The following TCF12 variants were observed in gnomAD, a reference collection of about 807,000 sequenced individuals.
TCF12 encodes DNA-binding protein HTF4.
TCF12 carries 45 observed loss-of-function variants against 86.0 expected under a neutral mutation model. That is an observed-to-expected ratio of 0.52 (90% CI 0.41 to 0.67). The LOEUF (loss-of-function observed/expected upper bound fraction) is 0.67. Among genes scored for constraint, TCF12 ranks in the 30% least tolerant of loss-of-function variants. The pLI is 0.00. For missense variants in TCF12, 881 were observed against 859.9 expected (o/e 1.02, Z -0.31); for synonymous variants, 330 against 299.6 (o/e 1.10, Z -1.05).
At chr15:57,183,106 G>T (rs2056455598) in intron 6 of TCF12, among the ~76,000 whole-genome samples, 1 of 152,108 alleles carries the variant, frequency 6.6e-6, no homozygotes, top group Non-Finnish European at 1.5e-5. Context: ...GTGTATTAGG[G>T]AGTCCTCAAT....
At chr15:57,078,627 A>G (rs1384453957) in intron 4 of TCF12, among the ~76,000 whole-genome samples, 2 of 152,086 alleles carry the variant, frequency 1.3e-5, no homozygotes, top group Non-Finnish European at 2.9e-5. Context: ...GCATATTTTA[A>G]TTTCTTTAAT....
chr15:57,070,583 G>T (rs2150995988), intron 4 of TCF12, among the ~76,000 whole-genome samples: 1 of 152,250 alleles, frequency 6.6e-6, no homozygotes, highest in Non-Finnish European at 1.5e-5. Context: ...CATTTTTCTT[G>T]CAAATCCTGG....
At chr15:57,212,836 G>C (rs1487293249) in intron 8 of TCF12, among the ~76,000 whole-genome samples, 2 of 152,180 alleles carry the variant, frequency 1.3e-5, no homozygotes, top group Admixed American at 6.5e-5. Context: ...CTGAGAGGCA[G>C]AGCTGAAACC....
chr15:57,033,593 C>T (rs1458063552), intron 3 of TCF12, among the ~76,000 whole-genome samples: 1 of 151,992 alleles, frequency 6.6e-6, no homozygotes, highest in African/African-American at 2.4e-5. Context: ...CTTATTATGG[C>T]TCTTATTTTC....
intron 6 of TCF12, among the ~76,000 whole-genome samples, chr15:57,179,616 A>G (rs1426490136): frequency 2.6e-5 from 4 of 151,794 alleles, no homozygotes; most frequent in Non-Finnish European, 4.4e-5. Flanking sequence ...TCAAACTTGC[A>G]TGACACTTTA....
At position 57,123,982 on chromosome 15, in the gene TCF12, A is replaced by T. The variant is rs1449348324; in HGVS notation, c.325+32091A>T. Among the ~76,000 whole-genome samples the T allele has an allele frequency of 3.7e-3, 412 of 111,258 alleles. 8 individuals carry two copies. The highest frequency in any genetic ancestry group is 0.012 in the African/African-American group (393 of 33,152). 73.0% of individuals were successfully genotyped at this position (111,258 alleles called of 152,430 possible). Reference sequence around the variant, plus strand: ...AGACTCCGTCTCAAAAAAAAAAAAAATTTTTTTTTTTTTTCCATAGGGACA... The same window carrying T: ...AGACTCCGTCTCAAAAAAAAAAAAATTTTTTTTTTTTTTTCCATAGGGACA... On this transcript the variant is annotated intron_variant, in intron 5 of 20. Transcript: ENST00000333725.
chr15:56,981,024 T>C (rs1246671675), intron 3 of TCF12, among the ~76,000 whole-genome samples: 2 of 152,216 alleles, frequency 1.3e-5, no homozygotes, highest in African/African-American at 4.8e-5. Flanking sequence ...GGAAGCCTCA[T>C]ATTTCTGCAT....
chr15:57,147,938 T>TGG (rs1328812037), intron 5 of TCF12, among the ~76,000 whole-genome samples: 1 of 149,952 alleles, frequency 6.7e-6, no homozygotes, highest in Non-Finnish European at 1.5e-5. Context: ...TGGAGTGCAG[T>TGG]GGTGTGGTCA....
intron 8 of TCF12, among the ~76,000 whole-genome samples, chr15:57,207,269 A>G (rs2057872346): frequency 6.6e-6 from 1 of 152,198 alleles, no homozygotes; most frequent in African/African-American, 2.4e-5. Flanking sequence ...AATATCTTCC[A>G]TCCCTAGAAA....
At chr15:57,090,971 G>A (rs1161773168) in intron 4 of TCF12, among the ~76,000 whole-genome samples, 3 of 152,076 alleles carry the variant, frequency 2.0e-5, no homozygotes, top group African/African-American at 7.2e-5. Flanking sequence ...GTTTTTGTTT[G>A]TAAACTTTAT....
chr15:56,990,842 G>A (rs1394909337), intron 3 of TCF12, among the ~76,000 whole-genome samples: 2 of 151,412 alleles, frequency 1.3e-5, no homozygotes, highest in African/African-American at 4.9e-5. Flanking sequence ...ACCTAGGCTG[G>A]AGAGTGAAGT....
chr15:57,107,127 C>G (rs1393764208), intron 5 of TCF12, among the ~76,000 whole-genome samples: 1 of 152,166 alleles, frequency 6.6e-6, no homozygotes. Flanking sequence ...AAGTTTATAG[C>G]AGCTTTGTTC....
chr15:57,255,379 C>T (rs1417672346), intron 16 of TCF12, among the ~76,000 whole-genome samples: 1 of 152,168 alleles, frequency 6.6e-6, no homozygotes, highest in Non-Finnish European at 1.5e-5. Context: ...CACCCTAAAA[C>T]TTATAACTAA....
At chr15:57,252,550 A>G (rs1411293583) in intron 15 of TCF12, 58 bp downstream of exon 15, 6 of 1,421,506 alleles carry the variant, frequency 4.2e-6, no homozygotes, top group South Asian at 1.2e-5. Flanking sequence ...ACTTCCCACT[A>G]TTCATTTAAA....
rs2150978100 is a variant in TCF12 at position 57,067,048 on chromosome 15, T to C, written c.222+3225T>C. Among the ~76,000 whole-genome samples, 3 of 152,334 alleles carry C rather than the reference T, an allele frequency of 2.0e-5. No homozygotes were observed. In the South Asian group the frequency reaches 6.2e-4, roughly 32 times the overall value. On this transcript the variant is annotated intron_variant, in intron 4 of 20. Coordinates refer to ENST00000333725, the MANE Select transcript of TCF12 (RefSeq NM_207037.2). ...ACTTCTTATCTCTGTGTTAGGCTTA[T>C]CCCCATTCTTTCAGAATTAGGAAAA...
At chr15:57,127,093 C>G (rs2051714797) in intron 5 of TCF12, among the ~76,000 whole-genome samples, 1 of 151,594 alleles carries the variant, frequency 6.6e-6, no homozygotes, top group South Asian at 2.1e-4. Flanking sequence ...AGAAATTCTC[C>G]TCCCTTAGCC....
Position 56,945,229 on chromosome 15 carries a change from T to C in TCF12, c.148+24131T>C, listed in dbSNP as rs549697072. Among the ~76,000 whole-genome samples, 8 of 152,318 alleles carry C rather than the reference T, an allele frequency of 5.3e-5. No homozygotes were observed. The East Asian group carries it at 1.2e-3, about 22-fold the overall frequency. On this transcript the variant is annotated intron_variant, in intron 3 of 20. Transcript: ENST00000333725. ...TTATTGTTTTATTGTGTTTAAGATA[T>C]GTAGTCATGTTTCTTCTTTTCTGCC...
At chr15:57,209,522 C>G (rs1034827651) in intron 8 of TCF12, among the ~76,000 whole-genome samples, 1 of 152,164 alleles carries the variant, frequency 6.6e-6, no homozygotes, top group African/African-American at 2.4e-5. Flanking sequence ...AGAGGACAGT[C>G]TTATATTTCT....
In TCF12 at chr15:57,242,714, G is replaced by T. The variant is rs1219350432; in HGVS notation, c.1036-758G>T. On this transcript the variant is annotated intron_variant, in intron 12 of 20. Transcript: ENST00000333725. ...ATTAGATGTACTTGAATTAATCTCT[G>T]TCACCATTTATTTTTGGCAATATGA... Among the ~76,000 whole-genome samples the T allele has an allele frequency of 6.6e-5, 10 of 152,208 alleles. No individual in the cohort carries two copies. In the East Asian group the frequency reaches 1.9e-3, roughly 29 times the overall value.
Sources: allele counts gnomAD v4.1 joint callset (sites outside exome capture counted in the v4.1 genomes callset), GRCh38; gene constraint gnomAD v4.1.1; transcripts MANE v1.5; gene names NCBI Gene and HGNC (gene_info 2026-07-23, HGNC 2026-07-21).